The following ZFPM2 variants were observed in gnomAD, a reference collection of about 807,000 sequenced individuals.
ZFPM2 encodes the protein zinc finger protein, FOG family member 2, also known as zinc finger protein ZFPM2.
ZFPM2 carries 20 observed loss-of-function variants against 98.6 expected under a neutral mutation model. That is an observed-to-expected ratio of 0.20 (90% CI 0.14 to 0.29). The LOEUF (loss-of-function observed/expected upper bound fraction) is 0.29. Among genes scored for constraint, ZFPM2 ranks in the 10% least tolerant of loss-of-function variants. The pLI is 1.00. For missense variants in ZFPM2, 1,310 were observed against 1,388.6 expected (o/e 0.94, Z 0.90); for synonymous variants, 518 against 502.7 (o/e 1.03, Z -0.41).
At chr8:105,741,585 T>C (rs1442408439) in intron 5 of ZFPM2, among the ~76,000 whole-genome samples, 1 of 152,022 alleles carries the variant, frequency 6.6e-6, no homozygotes, top group East Asian at 1.9e-4. Flanking sequence ...CAGGCACATG[T>C]GTTTGTGTTG....
chr8:105,501,763 G>A (rs994707443), intron 3 of ZFPM2, among the ~76,000 whole-genome samples: 2 of 152,056 alleles, frequency 1.3e-5, no homozygotes, highest in Admixed American at 6.6e-5. Flanking sequence ...GGGATTACAG[G>A]TGTGAGCCAC....
intron 3 of ZFPM2, among the ~76,000 whole-genome samples, chr8:105,499,396 G>T (rs1251382031): frequency 1.3e-5 from 2 of 152,044 alleles, no homozygotes; most frequent in Admixed American, 1.3e-4. Context: ...AAGGTGGAAT[G>T]ACTGATAGTC....
chr8:105,452,618 G>A (rs1375903308), intron 3 of ZFPM2, among the ~76,000 whole-genome samples: 1 of 151,950 alleles, frequency 6.6e-6, no homozygotes, highest in Non-Finnish European at 1.5e-5. Context: ...CAGACGTGGT[G>A]ACTGGCACCT....
At chr8:105,653,920 TAGAAA>T (rs1002740140) in intron 5 of ZFPM2, among the ~76,000 whole-genome samples, 5 of 109,256 alleles carry the variant, frequency 4.6e-5, no homozygotes, top group Admixed American at 1.3e-4. Flanking sequence ...AATGGGATTA[TAGAAA>T]AGAAAAGAAA....
chr8:105,744,815 A>C (rs1248747911), intron 5 of ZFPM2, among the ~76,000 whole-genome samples: 1 of 152,114 alleles, frequency 6.6e-6, no homozygotes, highest in Non-Finnish European at 1.5e-5. Flanking sequence ...GTTTGGCTAG[A>C]ATAAGGACAG....
chr8:105,392,547 A>G (rs1453915647), intron 1 of ZFPM2, among the ~76,000 whole-genome samples: 1 of 152,194 alleles, frequency 6.6e-6, no homozygotes. Context: ...AAATTTGCTA[A>G]GTGTCCACTA....
intron 3 of ZFPM2, among the ~76,000 whole-genome samples, chr8:105,505,402 A>G (rs1430628478): frequency 6.6e-6 from 1 of 152,176 alleles, no homozygotes; most frequent in Non-Finnish European, 1.5e-5. Context: ...CACACAGCAC[A>G]TAGGGGAATG....
intron 5 of ZFPM2, among the ~76,000 whole-genome samples, chr8:105,710,696 TGTGTGTATGTGTGTGTGGGGGG>T (rs1438203553): frequency 2.4e-4 from 36 of 148,632 alleles, no homozygotes; most frequent in African/African-American, 9.0e-4. Flanking sequence ...TGTGTGTGTG[TGTGTGTATGTGTGTGTGGGGGG>T]GTGTATGTGT....
intron 4 of ZFPM2, chr8:105,616,734 T>C (rs1314172236): frequency 8.8e-6 from 3 of 341,602 alleles, no homozygotes; most frequent in Non-Finnish European, 1.2e-5. Flanking sequence ...ATCCACACCA[T>C]AGTTTGGGTG....
intron 2 of ZFPM2, among the ~76,000 whole-genome samples, chr8:105,423,848 T>C (rs1196767319): frequency 6.6e-6 from 1 of 152,178 alleles, no homozygotes; most frequent in East Asian, 1.9e-4. Flanking sequence ...CAGAGTGGGA[T>C]TGGCGTGGAG....
In ZFPM2 at chr8:105,670,241, A is replaced by G. The variant is rs1322540528; in HGVS notation, c.532+35884A>G. 2.0e-5 allele frequency among the ~76,000 whole-genome samples: 3 copies of G among 152,266 alleles called. No homozygotes were observed. In the East Asian group the frequency reaches 5.8e-4, roughly 30 times the overall value. On this transcript the variant is annotated intron_variant, in intron 5 of 7. Coordinates refer to ENST00000407775, the MANE Select transcript of ZFPM2 (RefSeq NM_012082.4). Reference sequence around the variant, plus strand: ...GCCAGGCACAGTGGCTGAAGCCTGTAATCCCAGCACTTTGGGAGGCCAAGG... The same window carrying G: ...GCCAGGCACAGTGGCTGAAGCCTGTGATCCCAGCACTTTGGGAGGCCAAGG...
intron 1 of ZFPM2, among the ~76,000 whole-genome samples, chr8:105,351,067 C>T (rs1235681563): frequency 6.6e-6 from 1 of 151,144 alleles, no homozygotes; most frequent in Non-Finnish European, 1.5e-5. Context: ...CTTGTAATCC[C>T]AGCTACTGGG....
intron 3 of ZFPM2, among the ~76,000 whole-genome samples, chr8:105,526,510 A>G (rs1026508047): frequency 6.6e-6 from 1 of 152,184 alleles, no homozygotes; most frequent in Admixed American, 6.6e-5. Context: ...TTCCTCCTAA[A>G]TACAGAAACT....
At chr8:105,716,299 G>T (rs1414282384) in intron 5 of ZFPM2, among the ~76,000 whole-genome samples, 5 of 150,924 alleles carry the variant, frequency 3.3e-5, no homozygotes, top group African/African-American at 1.2e-4. Context: ...CAGTAATACT[G>T]CATTTCAGAG....
intron 6 of ZFPM2, among the ~76,000 whole-genome samples, chr8:105,794,718 C>T (rs1044237634): frequency 5.3e-5 from 8 of 152,230 alleles, no homozygotes; most frequent in Admixed American, 5.2e-4. Flanking sequence ...CCTCCTGGAG[C>T]TGTGGTGGGC....
chr8:105,473,794 G>A (rs1451442116), intron 3 of ZFPM2, among the ~76,000 whole-genome samples: 7 of 152,160 alleles, frequency 4.6e-5, no homozygotes, highest in African/African-American at 1.7e-4. Flanking sequence ...GCATACATAT[G>A]CAAATGTGTG....
At chr8:105,363,035 T>C in intron 1 of ZFPM2, among the ~76,000 whole-genome samples, 1 of 152,314 alleles carries the variant, frequency 6.6e-6, no homozygotes, top group East Asian at 1.9e-4. Flanking sequence ...TTGGTTACTT[T>C]TTAAAGGGAT....
At chr8:105,709,511 T>A (rs1668262167) in intron 5 of ZFPM2, among the ~76,000 whole-genome samples, 1 of 152,100 alleles carries the variant, frequency 6.6e-6, no homozygotes, top group South Asian at 2.1e-4. Flanking sequence ...GCTTCCAGAT[T>A]ACACAGCTCA....
intron 3 of ZFPM2, among the ~76,000 whole-genome samples, chr8:105,532,288 A>G (rs1814314119): frequency 6.6e-6 from 1 of 152,184 alleles, no homozygotes; most frequent in South Asian, 2.1e-4. Context: ...CCTTATTTAT[A>G]TATGCATGTA....
Sources: gnomAD v4.1 joint callset for allele counts (sites outside exome capture counted in the v4.1 genomes callset) on GRCh38, gnomAD v4.1.1 for gene constraint, MANE v1.5 for transcripts, NCBI Gene and HGNC (gene_info 2026-07-23, HGNC 2026-07-21) for gene names.